GRIK4: variants seen among roughly 807,000 people sequenced by gnomAD.
GRIK4 encodes the protein glutamate receptor ionotropic, kainate 4.
Under a neutral mutation model 104.9 loss-of-function variants are expected in GRIK4, and 40 were observed. The observed-to-expected ratio is 0.38, with a 90% CI of 0.30 to 0.50. The LOEUF is 0.50. Ranked by LOEUF, GRIK4 falls within the 20% of genes least tolerant of loss-of-function variation. The pLI is 0.93. For synonymous variants in GRIK4, 485 were observed against 524.9 expected (o/e 0.92, Z 1.04); for missense variants, 1,047 against 1,308.1 (o/e 0.80, Z 3.08).
At chr11:120,547,464 C>T (rs1317226159) in intron 1 of GRIK4, among the ~76,000 whole-genome samples, 1 of 152,134 alleles carries the variant, frequency 6.6e-6, no homozygotes, top group African/African-American at 2.4e-5. Flanking sequence ...TGACCACATG[C>T]TCACACAGGC....
chr11:120,890,583 C>T (rs963808527), intron 11 of GRIK4, among the ~76,000 whole-genome samples: 18 of 152,332 alleles, frequency 1.2e-4, no homozygotes, highest in Middle Eastern at 3.4e-3. Context: ...GTTTAATCTC[C>T]TATTAACTGT....
intron 3 of GRIK4, among the ~76,000 whole-genome samples, chr11:120,738,103 G>C (rs960817832): frequency 6.6e-6 from 1 of 152,192 alleles, no homozygotes; most frequent in Non-Finnish European, 1.5e-5. Context: ...AGAGGGAGCC[G>C]CCACGGAGGC....
chr11:120,866,141 C>G (rs1329800769), intron 9 of GRIK4, among the ~76,000 whole-genome samples: 1 of 152,144 alleles, frequency 6.6e-6, no homozygotes, highest in Non-Finnish European at 1.5e-5. Context: ...CCAAACAAAC[C>G]ATGGCAGAGT....
chr11:120,733,090 T>C (rs79261326), intron 3 of GRIK4, among the ~76,000 whole-genome samples: 1 of 152,218 alleles, frequency 6.6e-6, no homozygotes, highest in African/African-American at 2.4e-5. Flanking sequence ...CATTATATAA[T>C]GACATTCTAT....
At chr11:120,737,676 C>A (rs1225733881) in intron 3 of GRIK4, among the ~76,000 whole-genome samples, 9 of 151,994 alleles carry the variant, frequency 5.9e-5, no homozygotes, top group Non-Finnish European at 1.3e-4. Flanking sequence ...TCTAGGAATG[C>A]ACTTGGGTGA....
intron 13 of GRIK4, among the ~76,000 whole-genome samples, chr11:120,916,008 T>C (rs192913717): frequency 6.6e-6 from 1 of 152,218 alleles, no homozygotes; most frequent in East Asian, 1.9e-4. Context: ...AAGGATGACT[T>C]GGGTGGCATC....
intron 5 of GRIK4, 91 bp downstream of exon 5, chr11:120,815,566 C>T (rs1236436761): frequency 2.8e-5 from 20 of 703,294 alleles, no homozygotes; most frequent in Admixed American, 3.3e-5. Context: ...GCTGGAAGAG[C>T]CTGTCAAGGC....
chr11:120,860,164 G>C (rs1954223141), intron 8 of GRIK4, among the ~76,000 whole-genome samples: 1 of 152,240 alleles, frequency 6.6e-6, no homozygotes, highest in Non-Finnish European at 1.5e-5. Flanking sequence ...TGGAAGTCCT[G>C]TGTACCCCCA....
chr11:120,978,057 C>T (rs1446431358), intron 19 of GRIK4, among the ~76,000 whole-genome samples: 1 of 152,192 alleles, frequency 6.6e-6, no homozygotes, highest in Non-Finnish European at 1.5e-5. Context: ...GGGTCCAGAG[C>T]TTTTGGTAAT....
rs191240409 is a variant in GRIK4, at chr11:120,583,325, T to C, written c.-158-70360T>C. Among the ~76,000 whole-genome samples, 300 of 152,340 alleles carry C rather than the reference T, an allele frequency of 2.0e-3. 1 individual carries two copies. The highest frequency in any genetic ancestry group is 7.0e-3 in the African/African-American group (292 of 41,592). ...GTCTGTTTACTCTGTTGATAGTTTC[T>C]TTTGCTGTGCAGAAGCTCTTTAGTT... On this transcript the variant is annotated intron_variant, in intron 1 of 20. Transcript: ENST00000527524.
At chr11:120,875,870 A>T (rs544670690) in intron 11 of GRIK4, among the ~76,000 whole-genome samples, 15 of 152,202 alleles carry the variant, frequency 9.9e-5, no homozygotes, top group African/African-American at 3.4e-4. Context: ...TCTGAAAGGG[A>T]TCTGACTTTT....
intron 1 of GRIK4, among the ~76,000 whole-genome samples, chr11:120,617,707 C>G (rs190158837): frequency 1.3e-5 from 2 of 152,234 alleles, no homozygotes; most frequent in East Asian, 1.9e-4. Flanking sequence ...GCACCTCCCC[C>G]ACTCTTCCTC....
chr11:120,746,403 G>A (rs1175147545), intron 3 of GRIK4, among the ~76,000 whole-genome samples: 6 of 152,126 alleles, frequency 3.9e-5, no homozygotes, highest in Admixed American at 3.9e-4. Flanking sequence ...TTTAGATACG[G>A]TGTGGGACAG....
intron 11 of GRIK4, among the ~76,000 whole-genome samples, chr11:120,896,869 G>T (rs1477015501): frequency 1.3e-5 from 2 of 152,216 alleles, no homozygotes; most frequent in Non-Finnish European, 2.9e-5. Flanking sequence ...AGAAAGGTGT[G>T]TGCATTTCAT....
intron 11 of GRIK4, among the ~76,000 whole-genome samples, chr11:120,881,277 T>G (rs1954961566): frequency 6.6e-6 from 1 of 152,242 alleles, no homozygotes; most frequent in African/African-American, 2.4e-5. Context: ...CATTCTGAAC[T>G]CTGGGCCTTG....
intron 19 of GRIK4, among the ~76,000 whole-genome samples, chr11:120,973,136 A>G (rs1944503577): frequency 6.6e-6 from 1 of 152,214 alleles, no homozygotes; most frequent in Admixed American, 6.5e-5. Flanking sequence ...GTTTTTGGCC[A>G]TGTGGTGGAA....
intron 3 of GRIK4, among the ~76,000 whole-genome samples, chr11:120,708,350 A>T (rs1168135899): frequency 2.0e-5 from 3 of 152,068 alleles, no homozygotes; most frequent in Non-Finnish European, 4.4e-5. Flanking sequence ...GATGTCTGTG[A>T]GAGACCATTT....
intron 6 of GRIK4, among the ~76,000 whole-genome samples, chr11:120,824,911 G>T (rs1953218128): frequency 6.6e-6 from 1 of 150,842 alleles, no homozygotes; most frequent in African/African-American, 2.4e-5. Flanking sequence ...TTTTTTGTTT[G>T]CTTGTTTTTG....
At chr11:120,789,005 C>T (rs771201185) in intron 3 of GRIK4, among the ~76,000 whole-genome samples, 13 of 152,116 alleles carry the variant, frequency 8.5e-5, no homozygotes, top group Non-Finnish European at 1.9e-4. Context: ...TCCTTAGATC[C>T]TCTGGTCTAA....
Sources: allele counts gnomAD v4.1 joint callset (sites outside exome capture counted in the v4.1 genomes callset), GRCh38; gene constraint gnomAD v4.1.1; transcripts MANE v1.5; gene names NCBI Gene and HGNC (gene_info 2026-07-23, HGNC 2026-07-21).